Variants in NELL2 observed in about 807,000 individuals in gnomAD.
NELL2 encodes the protein protein kinase C-binding protein NELL2.
A neutral mutation model predicts 109.6 loss-of-function variants in NELL2; 41 were observed. That is an observed-to-expected ratio of 0.37 (90% CI 0.29 to 0.49). The LOEUF (loss-of-function observed/expected upper bound fraction) is 0.49. Ranked by LOEUF, NELL2 falls within the 20% of genes least tolerant of loss-of-function variation. NELL2 has a pLI of 0.98. For missense variants in NELL2, 900 were observed against 1,008.3 expected (o/e 0.89, Z 1.45); for synonymous variants, 355 against 344.7 (o/e 1.03, Z -0.33).
At chr12:44,833,154 T>C (rs1226998882) in intron 2 of NELL2, among the ~76,000 whole-genome samples, 1 of 152,222 alleles carries the variant, frequency 6.6e-6, no homozygotes, top group African/African-American at 2.4e-5. Flanking sequence ...GCTTTTTGTT[T>C]TCTTTTGTTG....
At chr12:44,563,394 T>C (rs1447624206) in intron 15 of NELL2, among the ~76,000 whole-genome samples, 1 of 152,154 alleles carries the variant, frequency 6.6e-6, no homozygotes, top group Non-Finnish European at 1.5e-5. Flanking sequence ...TTCTCTTGCC[T>C]TTGCCACCAG....
intron 3 of NELL2, among the ~76,000 whole-genome samples, chr12:44,812,371 A>G (rs1273173699): frequency 6.6e-6 from 1 of 152,152 alleles, no homozygotes. Context: ...AGTCCCCTGA[A>G]CTTGTTCTCT....
intron 9 of NELL2, among the ~76,000 whole-genome samples, chr12:44,764,456 TAG>T (rs1566339266): frequency 6.6e-6 from 1 of 152,126 alleles, no homozygotes; most frequent in African/African-American, 2.4e-5. Context: ...TTACTAATCA[TAG>T]AGAAATAACT....
chr12:44,899,132 A>G (rs554758521), intron 1 of NELL2, among the ~76,000 whole-genome samples: 2 of 152,314 alleles, frequency 1.3e-5, no homozygotes, highest in East Asian at 1.9e-4. Flanking sequence ...CCAAACCTAC[A>G]TTTGACTGGT....
intron 15 of NELL2, among the ~76,000 whole-genome samples, chr12:44,578,086 G>A (rs1389692220): frequency 6.6e-6 from 1 of 152,046 alleles, no homozygotes; most frequent in Non-Finnish European, 1.5e-5. Flanking sequence ...CTTAAATGTA[G>A]TTCAGTAAGT....
chr12:44,526,440 C>T (rs1242729800), intron 16 of NELL2, among the ~76,000 whole-genome samples: 1 of 152,138 alleles, frequency 6.6e-6, no homozygotes, highest in African/African-American at 2.4e-5. Flanking sequence ...AATACTGTTA[C>T]ATAACTTGCC....
chr12:44,569,844 A>T (rs1943797130), intron 15 of NELL2, among the ~76,000 whole-genome samples: 1 of 152,168 alleles, frequency 6.6e-6, no homozygotes, highest in Non-Finnish European at 1.5e-5. Flanking sequence ...ACTCAAAAAC[A>T]TTTTTCTCTT....
chr12:44,634,392 A>G (rs1946563064), intron 13 of NELL2, among the ~76,000 whole-genome samples: 2 of 141,908 alleles, frequency 1.4e-5, no homozygotes, highest in South Asian at 4.4e-4. Flanking sequence ...CTCATTGTTC[A>G]ACACCCACTT....
At chr12:44,895,862 C>T (rs1349060045) in intron 1 of NELL2, among the ~76,000 whole-genome samples, 3 of 152,120 alleles carry the variant, frequency 2.0e-5, no homozygotes, top group Non-Finnish European at 4.4e-5. Flanking sequence ...GAGTGCATAA[C>T]TGGATTATAT....
intron 1 of NELL2, among the ~76,000 whole-genome samples, chr12:44,888,592 T>A (rs1296589298): frequency 1.3e-5 from 2 of 151,806 alleles, no homozygotes; most frequent in East Asian, 3.9e-4. Flanking sequence ...AAAATTAAAA[T>A]TAAGAAGCAA....
intron 9 of NELL2, among the ~76,000 whole-genome samples, chr12:44,724,770 C>A: frequency 6.9e-6 from 1 of 144,204 alleles, no homozygotes. Flanking sequence ...CTTTAAAATT[C>A]ATATGGAACC....
In NELL2 at chr12:44,578,774, T is replaced by C. The variant is rs537628244; in HGVS notation, c.1663+28395A>G. ...AACAAAATGGTGCATATAGGTTTTCTTGAAGAAACAGACTTATTCCATGGT... is the reference window on the plus strand; with the variant it reads ...AACAAAATGGTGCATATAGGTTTTCCTGAAGAAACAGACTTATTCCATGGT... On this transcript the variant is annotated intron_variant, in intron 15 of 19. Coordinates refer to ENST00000429094, the MANE Select transcript of NELL2 (RefSeq NM_001145108.2). Among the ~76,000 whole-genome samples the C allele has an allele frequency of 9.1e-4, 139 of 152,310 alleles. 1 individual carries two copies. The highest frequency in any genetic ancestry group is 2.9e-3 in the African/African-American group (121 of 41,586).
chr12:44,812,296 T>C (rs1470963708), intron 3 of NELL2, among the ~76,000 whole-genome samples: 1 of 152,266 alleles, frequency 6.6e-6, no homozygotes, highest in Non-Finnish European at 1.5e-5. Flanking sequence ...AAGACCTTCA[T>C]ACCTAGATGT....
rs1192201782 is a variant in NELL2 at position 44,519,997 on chromosome 12, G to T, written c.2400+8C>A. 1 of 1,612,620 alleles carries T rather than the reference G, an allele frequency of 6.2e-7. No individual in the cohort carries two copies. Among genetic ancestry groups the T allele is most frequent in the Non-Finnish European group, 8.5e-7 (1 of 1,178,872 alleles). On this transcript the variant is annotated splice_region_variant and intron_variant, in intron 19 of 19. Coordinates refer to ENST00000429094, the MANE Select transcript of NELL2 (RefSeq NM_001145108.2). ...AAGTGCTCACTATTTAAATTTAATG[G>T]AGTTTACCTTGCACTGGCAGAGAGT...
intron 2 of NELL2, among the ~76,000 whole-genome samples, chr12:44,862,815 G>C (rs1478240400): frequency 6.6e-6 from 1 of 152,000 alleles, no homozygotes; most frequent in African/African-American, 2.4e-5. Context: ...TCAAAGACAG[G>C]TTATTTGAAA....
At chr12:44,563,339 G>T (rs1943542134) in intron 15 of NELL2, among the ~76,000 whole-genome samples, 1 of 151,870 alleles carries the variant, frequency 6.6e-6, no homozygotes, top group Non-Finnish European at 1.5e-5. Flanking sequence ...AAAAAGAATG[G>T]AACATCAGAA....
intron 2 of NELL2, among the ~76,000 whole-genome samples, chr12:44,869,623 T>A (rs763143070): frequency 1.3e-5 from 2 of 152,190 alleles, no homozygotes; most frequent in Non-Finnish European, 2.9e-5. Flanking sequence ...CATAGATATT[T>A]CTTGGATAAT....
At chr12:44,534,365 G>C (rs1942210741) in intron 15 of NELL2, among the ~76,000 whole-genome samples, 1 of 152,028 alleles carries the variant, frequency 6.6e-6, no homozygotes, top group Non-Finnish European at 1.5e-5. Context: ...CATTATTTCT[G>C]AACTATGAAT....
At chr12:44,745,486 A>T (rs1260488026) in intron 9 of NELL2, among the ~76,000 whole-genome samples, 1 of 152,182 alleles carries the variant, frequency 6.6e-6, no homozygotes, top group East Asian at 1.9e-4. Context: ...AAGGGTATTC[A>T]ATTAGGAAAA....
Sources: gnomAD v4.1 joint callset for allele counts (sites outside exome capture counted in the v4.1 genomes callset) on GRCh38, gnomAD v4.1.1 for gene constraint, MANE v1.5 for transcripts, NCBI Gene and HGNC (gene_info 2026-07-23, HGNC 2026-07-21) for gene names.